The following NCK2 variants were observed in gnomAD, a reference collection of about 807,000 sequenced individuals.
The protein encoded by NCK2 is cytoplasmic protein NCK2.
In NCK2, 16 loss-of-function variants were observed where a neutral mutation model predicts 33.9. The ratio of observed to expected loss-of-function variants is 0.47; its 90% CI spans 0.32 to 0.72. The LOEUF (loss-of-function observed/expected upper bound fraction) is 0.72. Among genes scored for constraint, NCK2 ranks in the 30% least tolerant of loss-of-function variants. NCK2 has a pLI of 0.03. For missense variants in NCK2, 418 were observed against 537.3 expected, an observed-to-expected ratio of 0.78 and a Z score of 2.19; for synonymous variants, 273 against 239.9, an observed-to-expected ratio of 1.14 and a Z score of -1.27.
At chr2:105,744,717 C>T (rs1689199307), upstream of NCK2, among the ~76,000 whole-genome samples, 1 of 151,034 alleles carries the variant, frequency 6.6e-6, no homozygotes, top group Non-Finnish European at 1.5e-5. Flanking sequence ...CTGGCGACGA[C>T]GGGGGGCGCC....
intron 2 of NCK2, among the ~76,000 whole-genome samples, chr2:105,827,190 G>A (rs1295842994): frequency 2.6e-5 from 4 of 151,954 alleles, no homozygotes; most frequent in Non-Finnish European, 5.9e-5. Context: ...TAGTAGAGAC[G>A]GGGTTTCACC....
intron 1 of NCK2, among the ~76,000 whole-genome samples, chr2:105,791,845 C>A (rs866878784): frequency 6.6e-6 from 1 of 152,256 alleles, no homozygotes; most frequent in South Asian, 2.1e-4. Context: ...ATATTTAACA[C>A]CCGAATAACT....
intron 2 of NCK2, among the ~76,000 whole-genome samples, chr2:105,844,092 G>A (rs1205058747): frequency 6.6e-6 from 1 of 152,170 alleles, no homozygotes; most frequent in Non-Finnish European, 1.5e-5. Context: ...TTTTGCAGAA[G>A]GTCCCCCACT....
chr2:105,805,120 T>A (rs1244532238), intron 1 of NCK2, among the ~76,000 whole-genome samples: 1 of 152,162 alleles, frequency 6.6e-6, no homozygotes, highest in Non-Finnish European at 1.5e-5. Context: ...TAAATGACAG[T>A]TGATATTATA....
chr2:105,752,865 C>T (rs550715557), intron 1 of NCK2, among the ~76,000 whole-genome samples: 1 of 152,278 alleles, frequency 6.6e-6, no homozygotes, highest in East Asian at 1.9e-4. Context: ...AAGCTAAAAT[C>T]ATGTATTTTT....
chr2:105,825,518 G>A lies in NCK2; in HGVS notation c.-17+8905G>A, dbSNP rs184603624. On this transcript the variant is annotated intron_variant, in intron 2 of 4. Coordinates refer to ENST00000233154, the MANE Select transcript of NCK2 (RefSeq NM_003581.5). The stretch of plus-strand genomic sequence containing the variant: ...TTTGGAACATAGCAGATATGGGAAC[G>A]CTAATAATTTCTTCCCACACCTGGT... Among the ~76,000 whole-genome samples the A allele has an allele frequency of 6.6e-5, 10 of 152,328 alleles. No homozygotes were observed. In the East Asian group the frequency reaches 1.9e-3, roughly 29 times the overall value.
At chr2:105,835,578 C>T (rs1221439610) in intron 2 of NCK2, among the ~76,000 whole-genome samples, 1 of 150,924 alleles carries the variant, frequency 6.6e-6, no homozygotes, top group Non-Finnish European at 1.5e-5. Context: ...CTTTGTCTTA[C>T]TTTTGACAGT....
chr2:105,863,726 G>A (rs546939876), intron 3 of NCK2, among the ~76,000 whole-genome samples: 2 of 152,302 alleles, frequency 1.3e-5, no homozygotes, highest in Non-Finnish European at 2.9e-5. Flanking sequence ...TGTGCTTTCA[G>A]AGAGCATGTA....
chr2:105,849,536 G>A (rs1315840073), intron 2 of NCK2, among the ~76,000 whole-genome samples: 1 of 152,172 alleles, frequency 6.6e-6, no homozygotes, highest in African/African-American at 2.4e-5. Flanking sequence ...TAAACCAGGT[G>A]GCTGAAGCCT....
chr2:105,881,299 C>T (rs1573243832), intron 3 of NCK2, 29 bp from the exon 4 acceptor site: 2 of 1,553,526 alleles, frequency 1.3e-6, no homozygotes, highest in Non-Finnish European at 1.7e-6. Context: ...AAGTGCCCTG[C>T]GCCACTGAGC....
At chr2:105,764,138 T>C (rs751565739) in intron 1 of NCK2, among the ~76,000 whole-genome samples, 28 of 152,246 alleles carry the variant, frequency 1.8e-4, no homozygotes, top group Admixed American at 1.1e-3. Flanking sequence ...TTGCAGAGCT[T>C]TCACGTGGGT....
At chr2:105,832,445 A>T (rs1226285476) in intron 2 of NCK2, among the ~76,000 whole-genome samples, 3 of 152,190 alleles carry the variant, frequency 2.0e-5, no homozygotes, top group Non-Finnish European at 4.4e-5. Context: ...ATTCAGTATG[A>T]TGTTAGCTGT....
At chr2:105,761,002 C>T (rs1289607196) in intron 1 of NCK2, among the ~76,000 whole-genome samples, 2 of 152,212 alleles carry the variant, frequency 1.3e-5, no homozygotes, top group Non-Finnish European at 2.9e-5. Context: ...GGGTGGCCCT[C>T]ATCCTGCTTC....
intron 1 of NCK2, among the ~76,000 whole-genome samples, chr2:105,757,648 G>A (rs1233861804): frequency 6.6e-6 from 1 of 152,166 alleles, no homozygotes; most frequent in African/African-American, 2.4e-5. Context: ...AGCCTTTGGG[G>A]AGCCTGTAAA....
intron 2 of NCK2, among the ~76,000 whole-genome samples, chr2:105,831,317 A>G (rs1344718101): frequency 6.6e-6 from 1 of 152,188 alleles, no homozygotes; most frequent in Non-Finnish European, 1.5e-5. Context: ...AACCCTGAAT[A>G]GCCAAAGCAA....
intron 1 of NCK2, among the ~76,000 whole-genome samples, chr2:105,765,835 G>C (rs1033601703): frequency 2.5e-4 from 38 of 151,680 alleles, no homozygotes; most frequent in African/African-American, 8.7e-4. Context: ...GTGTGTGTAA[G>C]TCTGTGGAGG....
At chr2:105,834,432 A>G (rs1676313161) in intron 2 of NCK2, among the ~76,000 whole-genome samples, 1 of 151,850 alleles carries the variant, frequency 6.6e-6, no homozygotes, top group Non-Finnish European at 1.5e-5. Context: ...AGTCTATTTT[A>G]TCTAAATTAT....
chr2:105,883,288 C>T (rs1284352953), intron 4 of NCK2, among the ~76,000 whole-genome samples: 1 of 152,172 alleles, frequency 6.6e-6, no homozygotes, highest in Non-Finnish European at 1.5e-5. Context: ...TCTTTTAGAT[C>T]GTGTTTGAAG....
chr2:105,831,542 T>G (rs994587039), intron 2 of NCK2, among the ~76,000 whole-genome samples: 1 of 152,186 alleles, frequency 6.6e-6, no homozygotes, highest in African/African-American at 2.4e-5. Flanking sequence ...ATTTAAGTCT[T>G]TAATCAATTT....
Sources: allele counts gnomAD v4.1 joint callset (sites outside exome capture counted in the v4.1 genomes callset), GRCh38; gene constraint gnomAD v4.1.1; transcripts MANE v1.5; gene names NCBI Gene and HGNC (gene_info 2026-07-23, HGNC 2026-07-21).